Variants in PLCG2 observed in about 807,000 individuals in gnomAD.
The protein encoded by PLCG2 is 1-phosphatidylinositol 4,5-bisphosphate phosphodiesterase gamma-2.
Under a neutral mutation model 175.6 loss-of-function variants are expected in PLCG2, and 69 were observed. The observed-to-expected ratio is 0.39, with a 90% CI of 0.32 to 0.48. The LOEUF (loss-of-function observed/expected upper bound fraction) is 0.48, where lower values mean the gene tolerates loss of function less well. Among genes scored for constraint, PLCG2 ranks in the 20% least tolerant of loss-of-function variants. The pLI, the probability that PLCG2 is intolerant of heterozygous loss-of-function variation, is 0.91. For synonymous variants in PLCG2, 827 were observed against 624.0 expected (o/e 1.33, Z -4.85); for missense variants, 1,798 against 1,650.9 (o/e 1.09, Z -1.54).
chr16:81,834,240 A>G lies in PLCG2; in HGVS notation c.194-20204A>G, dbSNP rs74029236. Among the ~76,000 whole-genome samples the G allele has an allele frequency of 6.5e-3, 995 of 152,300 alleles. 9 individuals are homozygous for G. Among genetic ancestry groups the G allele is most frequent in the Middle Eastern group, 0.024 (7 of 294 alleles). On this transcript the variant is annotated intron_variant, in intron 2 of 32. Coordinates refer to ENST00000564138, the MANE Select transcript of PLCG2 (RefSeq NM_002661.5). ...GATGTTGAGGTCAACTCTGACACCT[A>G]TTAAATGTTCAGTAAGGGGGACCTG...
At chr16:81,905,548 C>G (rs562394869) in intron 15 of PLCG2, 41 bp downstream of exon 15, 26 of 1,293,946 alleles carry the variant, frequency 2.0e-5, no homozygotes, top group East Asian at 1.6e-4. Context: ...CGGCCACGCC[C>G]CTTGCAGCTG....
Position 81,905,489 on chromosome 16 carries a change from G to A in PLCG2, c.1449G>A (p.Met483Ile), listed in dbSNP as rs201746780. The change falls in exon 15 of 33, where the codon ATG becomes ATA. Residue 483 changes from methionine to isoleucine, a missense_variant. Met to Ile is a conservative substitution (Grantham distance 10). Coordinates refer to ENST00000564138, the MANE Select transcript of PLCG2 (RefSeq NM_002661.5). ...DEHKQQGELY[M>I]WDSIDQKWTR... Reference sequence around the variant, plus strand: ...ACAAGCAACAGGGGGAGCTGTACATGTGGGATTCCATTGACCAGGTGGGCC... The same window carrying A: ...ACAAGCAACAGGGGGAGCTGTACATATGGGATTCCATTGACCAGGTGGGCC... 1.8e-4 allele frequency: 290 copies of A among 1,613,950 alleles called. 1 individual carries two copies. In the Admixed American group the frequency reaches 4.7e-3, roughly 26 times the overall value.
intron 2 of PLCG2, among the ~76,000 whole-genome samples, chr16:81,825,096 C>T (rs1317721400): frequency 6.6e-6 from 1 of 152,138 alleles, no homozygotes; most frequent in Non-Finnish European, 1.5e-5. Flanking sequence ...CCTGCTGACT[C>T]CTTGGTCTTA....
At chr16:81,952,370 C>G (rs1398183399) in intron 31 of PLCG2, among the ~76,000 whole-genome samples, 1 of 152,100 alleles carries the variant, frequency 6.6e-6, no homozygotes, top group Non-Finnish European at 1.5e-5. Context: ...ACTTATGACA[C>G]CCCAGTCATT....
chr16:81,775,394 G>A (rs1459138848), upstream of PLCG2, among the ~76,000 whole-genome samples: 1 of 152,176 alleles, frequency 6.6e-6, no homozygotes, highest in Non-Finnish European at 1.5e-5. Flanking sequence ...TAAGGAAGGG[G>A]CAGACTTGGA....
At position 81,824,232 on chromosome 16, in the gene PLCG2, C is replaced by T. The variant is rs1184654854; in HGVS notation, c.194-30212C>T. Among the ~76,000 whole-genome samples the T allele has an allele frequency of 7.3e-5, 11 of 151,292 alleles. 1 individual carries two copies. Among genetic ancestry groups the T allele is most frequent in the South Asian group, 4.2e-4 (2 of 4,788 alleles). On this transcript the variant is annotated intron_variant, in intron 2 of 32. Transcript: ENST00000564138. ...CACCGCAACCTCCACCTCCCGGCTT[C>T]AAGCAATTCTCCTCCCTCAGCCTCC...
intron 2 of PLCG2, among the ~76,000 whole-genome samples, chr16:81,768,624 G>C (rs1201141655): frequency 7.4e-6 from 1 of 134,732 alleles, no homozygotes; most frequent in Non-Finnish European, 1.5e-5. Flanking sequence ...GGAGTGCAAT[G>C]GTGCGATCTC....
chr16:81,773,028 C>T (rs762160053), intron 2 of PLCG2, among the ~76,000 whole-genome samples: 4 of 152,198 alleles, frequency 2.6e-5, no homozygotes, highest in Non-Finnish European at 4.4e-5. Context: ...GGCATCCTCT[C>T]ATGATGTGGG....
chr16:81,805,905 G>T (rs1411952098), intron 2 of PLCG2, among the ~76,000 whole-genome samples: 1 of 150,536 alleles, frequency 6.6e-6, no homozygotes, highest in Non-Finnish European at 1.5e-5. Context: ...CTCCTGAGTA[G>T]CTGGGATTAC....
At chr16:81,839,184 A>C (rs1373749290) in intron 2 of PLCG2, among the ~76,000 whole-genome samples, 4 of 152,332 alleles carry the variant, frequency 2.6e-5, no homozygotes, top group Non-Finnish European at 4.4e-5. Flanking sequence ...AACATACATC[A>C]GTTCAGGTGA....
chr16:81,825,073 G>A (rs1250806766), intron 2 of PLCG2, among the ~76,000 whole-genome samples: 1 of 152,198 alleles, frequency 6.6e-6, no homozygotes, highest in Non-Finnish European at 1.5e-5. Context: ...GGAGCCTCCA[G>A]AAGGAACACA....
At chr16:81,780,936 A>C (rs1327655893) in intron 1 of PLCG2, among the ~76,000 whole-genome samples, 1 of 152,198 alleles carries the variant, frequency 6.6e-6, no homozygotes, top group Non-Finnish European at 1.5e-5. Context: ...CTGAGGCAGG[A>C]GAATCACTTG....
chr16:81,960,829 C>G lies in PLCG2; in HGVS notation c.*2831C>G, dbSNP rs1050583044. The G allele has an allele frequency of 4.4e-6, 1 of 229,658 alleles. No homozygotes were observed. Among genetic ancestry groups the G allele is most frequent in the Non-Finnish European group, 8.6e-6 (1 of 115,804 alleles). The allele number at this position is 229,658 out of a possible 1,614,324, so 14.2% of individuals were successfully genotyped here. On this transcript the variant is annotated 3_prime_UTR_variant, in exon 33 of 33. Coordinates refer to ENST00000564138, the MANE Select transcript of PLCG2 (RefSeq NM_002661.5). Reference sequence around the variant, plus strand: ...ACCCCTGGGAGTATACCAGAGCTTTCCAAGGAATACACAGACTCCAGTACT... The same window carrying G: ...ACCCCTGGGAGTATACCAGAGCTTTGCAAGGAATACACAGACTCCAGTACT...
At chr16:81,858,598 C>T (rs764841156) in intron 4 of PLCG2, among the ~76,000 whole-genome samples, 8 of 152,120 alleles carry the variant, frequency 5.3e-5, no homozygotes, top group Middle Eastern at 6.8e-3. Context: ...GCATTGGACT[C>T]GAGATAGAAA....
chr16:81,961,190 G>A lies in PLCG2; in HGVS notation c.*3192G>A, dbSNP rs1045416377. On this transcript the variant is annotated 3_prime_UTR_variant, in exon 33 of 33. Transcript: ENST00000564138. ...TACAAAGGGGTTGGAAGAATTCAGT[G>A]ATTCTGCTATCATAAAGCTTCCGTT... 3 of 228,144 alleles carry A rather than the reference G, an allele frequency of 1.3e-5. No individual in the cohort carries two copies. Among genetic ancestry groups the A allele is most frequent in the Non-Finnish European group, 2.6e-5 (3 of 115,010 alleles). 14.1% of individuals were successfully genotyped at this position (228,144 alleles called of 1,614,324 possible). A position where few individuals can be genotyped will look rare whatever the true frequency, so the allele number is the denominator to read the frequency against.
chr16:81,753,356 T>G (rs1278031581), intron 1 of PLCG2, among the ~76,000 whole-genome samples: 2 of 151,094 alleles, frequency 1.3e-5, no homozygotes, highest in Admixed American at 6.6e-5. Context: ...TTTTTTTTTT[T>G]TTTTTTTTTT....
intron 24 of PLCG2, 73 bp downstream of exon 24, chr16:81,928,697 A>G (rs1205177745): frequency 2.0e-6 from 2 of 983,320 alleles, no homozygotes; most frequent in East Asian, 2.4e-5. Context: ...CCCGCCCTAC[A>G]CAGGGAGGTG....
chr16:81,905,350 G>T, intron 14 of PLCG2, 53 bp from the exon 15 acceptor site: 1 of 1,266,084 alleles, frequency 7.9e-7, no homozygotes, highest in East Asian at 2.4e-5. Flanking sequence ...CTGGCTCAAA[G>T]GCCTAAACTT....
chr16:81,800,040 C>G (rs2143240745), intron 2 of PLCG2, among the ~76,000 whole-genome samples: 1 of 152,322 alleles, frequency 6.6e-6, no homozygotes, highest in South Asian at 2.1e-4. Context: ...GGACAAGTTA[C>G]TTAACTTTTC....
Sources: gnomAD v4.1 joint callset for allele counts (sites outside exome capture counted in the v4.1 genomes callset) on GRCh38, gnomAD v4.1.1 for gene constraint, MANE v1.5 for transcripts, NCBI Gene and HGNC (gene_info 2026-07-23, HGNC 2026-07-21) for gene names.